The following MSRB2 variants were observed in gnomAD, a reference collection of about 807,000 sequenced individuals.
MSRB2 encodes methionine-R-sulfoxide reductase B2, mitochondrial.
In MSRB2, 17 loss-of-function variants were observed where a neutral mutation model predicts 19.0. The ratio of observed to expected loss-of-function variants is 0.89; its 90% confidence interval spans 0.61 to 1.34. The LOEUF is 1.34. Among genes scored for constraint, MSRB2 ranks in the 40% most tolerant of loss-of-function variants. MSRB2 has a pLI of 0.00. For missense variants in MSRB2, 208 were observed against 237.6 expected, an observed-to-expected ratio of 0.88 and a Z score of 0.82; for synonymous variants, 107 against 99.7, an observed-to-expected ratio of 1.07 and a Z score of -0.44.
chr10:23,107,460 G>C (rs1396910418), intron 2 of MSRB2, among the ~76,000 whole-genome samples: 2 of 152,180 alleles, frequency 1.3e-5, no homozygotes, highest in African/African-American at 2.4e-5. Context: ...CTCTTCAAAA[G>C]TCAGCTTAGT....
chr10:23,110,199 T>G, intron 2 of MSRB2, 43 bp from the exon 3 acceptor site: 1 of 1,474,672 alleles, frequency 6.8e-7, no homozygotes, highest in Non-Finnish European at 9.5e-7. Flanking sequence ...CTCCTGCCAG[T>G]AGTATGAGAA....
chr10:23,096,560 T>G (rs1232955929), intron 1 of MSRB2, among the ~76,000 whole-genome samples: 1 of 152,090 alleles, frequency 6.6e-6, no homozygotes, highest in Non-Finnish European at 1.5e-5. Context: ...TGAATCCAAT[T>G]TTATATGTGT....
intron 1 of MSRB2, among the ~76,000 whole-genome samples, chr10:23,101,460 T>C (rs1390413812): frequency 6.6e-6 from 1 of 152,250 alleles, no homozygotes; most frequent in Non-Finnish European, 1.5e-5. Flanking sequence ...CAAATTGTGC[T>C]ACTATAAACG....
intron 2 of MSRB2, among the ~76,000 whole-genome samples, chr10:23,109,249 T>C (rs1840018756): frequency 6.6e-6 from 1 of 152,084 alleles, no homozygotes; most frequent in Non-Finnish European, 1.5e-5. Context: ...GCAAAAATGG[T>C]CTTTAAAAAA....
rs76866657 is a variant in MSRB2, at chr10:23,108,114, C to T, written c.220-2128C>T. Among the ~76,000 whole-genome samples, 86 of 152,118 alleles carry T rather than the reference C, an allele frequency of 5.7e-4. No individual in the cohort carries two copies. In the East Asian group the frequency reaches 0.012, roughly 22 times the overall value. Reference sequence around the variant, plus strand: ...CTGGGATTACAGGTGCCTGCCACTACACCCGGCTAATATTTTGATTTTTAG... The same window carrying T: ...CTGGGATTACAGGTGCCTGCCACTATACCCGGCTAATATTTTGATTTTTAG... On this transcript the variant is annotated intron_variant, in intron 2 of 4. Coordinates refer to ENST00000376510, the MANE Select transcript of MSRB2 (RefSeq NM_012228.4).
intron 3 of MSRB2, among the ~76,000 whole-genome samples, chr10:23,114,255 T>C (rs1298978438): frequency 6.8e-6 from 1 of 147,986 alleles, no homozygotes; most frequent in Non-Finnish European, 1.5e-5. Context: ...GAGGCTGAGG[T>C]AGGAGAATTG....
At chr10:23,097,661 T>C (rs1382348691) in intron 1 of MSRB2, among the ~76,000 whole-genome samples, 1 of 152,200 alleles carries the variant, frequency 6.6e-6, no homozygotes, top group Non-Finnish European at 1.5e-5. Flanking sequence ...TCTTTGGACA[T>C]GTTTCTTGAA....
intron 4 of MSRB2, among the ~76,000 whole-genome samples, chr10:23,119,757 G>A (rs1840161136): frequency 6.6e-6 from 1 of 152,092 alleles, no homozygotes; most frequent in Non-Finnish European, 1.5e-5. Flanking sequence ...ACCACACCCA[G>A]TGAATTTTTG....
chr10:23,118,337 G>GTTTTTTTTTTTT (rs35011086), intron 3 of MSRB2, among the ~76,000 whole-genome samples: 18 of 92,180 alleles, frequency 2.0e-4, no homozygotes, highest in African/African-American at 3.1e-4. Context: ...TTAGTTTTTT[G>GTTTTTTTTTTTT]TTTTTTTTTT....
At chr10:23,118,434 G>T in intron 3 of MSRB2, among the ~76,000 whole-genome samples, 1 of 136,876 alleles carries the variant, frequency 7.3e-6, no homozygotes, top group Admixed American at 8.2e-5. Flanking sequence ...AATTTTTGAA[G>T]TCTATTTTCC....
intron 1 of MSRB2, among the ~76,000 whole-genome samples, chr10:23,100,445 A>G (rs1839915124): frequency 6.6e-6 from 1 of 152,230 alleles, no homozygotes; most frequent in Admixed American, 6.5e-5. Flanking sequence ...TCACAGTGCT[A>G]TAAAGAAATA....
chr10:23,096,463 A>C (rs938118769), intron 1 of MSRB2, among the ~76,000 whole-genome samples: 1 of 152,010 alleles, frequency 6.6e-6, no homozygotes, highest in Non-Finnish European at 1.5e-5. Flanking sequence ...GACCTGTGCC[A>C]GCTACCCCTG....
rs147715143 is a variant in MSRB2 at position 23,112,627 on chromosome 10, C to T, written c.296+2309C>T. Among the ~76,000 whole-genome samples, 1,094 of 152,296 alleles carry T rather than the reference C, an allele frequency of 7.2e-3. 17 individuals carry two copies. Among genetic ancestry groups the T allele is most frequent in the South Asian group, 0.026 (124 of 4,832 alleles). Reference sequence around the variant, plus strand: ...TTTTTGAGATGGAGTCTCGCTCTGTCGCCCAGGCTGGAGTGCAGTGGCGCG... The same window carrying T: ...TTTTTGAGATGGAGTCTCGCTCTGTTGCCCAGGCTGGAGTGCAGTGGCGCG... On this transcript the variant is annotated intron_variant, in intron 3 of 4. Coordinates refer to ENST00000376510, the MANE Select transcript of MSRB2 (RefSeq NM_012228.4).
chr10:23,104,545 T>G (rs1839963958), intron 2 of MSRB2, among the ~76,000 whole-genome samples: 1 of 152,158 alleles, frequency 6.6e-6, no homozygotes, highest in African/African-American at 2.4e-5. Flanking sequence ...ATGGCCATTC[T>G]TGCTCCAGCC....
chr10:23,103,518 A>C (rs1352629132), intron 1 of MSRB2, among the ~76,000 whole-genome samples: 1 of 152,242 alleles, frequency 6.6e-6, no homozygotes, highest in Non-Finnish European at 1.5e-5. Flanking sequence ...TATAGATGCC[A>C]AGGTGAGTAG....
intron 1 of MSRB2, among the ~76,000 whole-genome samples, chr10:23,100,287 T>C (rs1839913534): frequency 6.6e-6 from 1 of 152,196 alleles, no homozygotes; most frequent in Non-Finnish European, 1.5e-5. Context: ...GGACATACAC[T>C]CTTTCTAGCA....
At chr10:23,107,170 C>G (rs1467723662) in intron 2 of MSRB2, among the ~76,000 whole-genome samples, 2 of 152,352 alleles carry the variant, frequency 1.3e-5, no homozygotes, top group Middle Eastern at 3.4e-3. Context: ...TTGCCCCATT[C>G]CAGCTCATTC....
intron 2 of MSRB2, among the ~76,000 whole-genome samples, chr10:23,109,143 G>A (rs1396167931): frequency 3.9e-5 from 6 of 152,160 alleles, no homozygotes; most frequent in Non-Finnish European, 8.8e-5. Flanking sequence ...AGTGCCTGCC[G>A]CCAGGCCCTG....
rs1030350940 is a variant in MSRB2 at position 23,095,634 on chromosome 10, G to C, written c.26G>C (p.Arg9Pro). The change falls in exon 1 of 5, where the codon CGG becomes CCG. Residue 9 changes from arginine (R) to proline (P), a missense_variant. Transcript: ENST00000376510. ...ATGGCGCGGCTCCTCTGGTTGCTCC[G>C]GGGCCTGACCCTCGGAACTGCGCCT... is the stretch of plus-strand genomic sequence containing the variant. MARLLWLL[R>P]GLTLGTAPRR... 5.4e-6 allele frequency: 8 copies of C among 1,468,948 alleles called. No homozygotes were observed. Among genetic ancestry groups the C allele is most frequent in the Middle Eastern group, 2.4e-4 (1 of 4,188 alleles). The allele number at this position is 1,468,948 out of a possible 1,614,324, so 91.0% of individuals were successfully genotyped here.
Sources: gnomAD v4.1 joint callset for allele counts (sites outside exome capture counted in the v4.1 genomes callset) on GRCh38, gnomAD v4.1.1 for gene constraint, MANE v1.5 for transcripts, NCBI Gene and HGNC (gene_info 2026-07-23, HGNC 2026-07-21) for gene names.